EBF2: variants seen among roughly 807,000 people sequenced by gnomAD.
The protein encoded by EBF2 is EBF transcription factor 2, also known as transcription factor COE2.
Under a neutral mutation model 72.8 loss-of-function variants are expected in EBF2, and 21 were observed. That is an observed-to-expected ratio of 0.29 (90% CI 0.20 to 0.42). The LOEUF is 0.42. Ranked by LOEUF, EBF2 falls within the 10% of genes least tolerant of loss-of-function variation. The probability of loss-of-function intolerance (pLI) is 1.00; values close to 1 mark genes in which losing one functional copy is unlikely to be tolerated. For missense variants in EBF2, 637 were observed against 731.2 expected (o/e 0.87, Z 1.49); for synonymous variants, 299 against 274.2 (o/e 1.09, Z -0.89).
intron 7 of EBF2, among the ~76,000 whole-genome samples, chr8:25,901,701 A>G (rs1802956597): frequency 6.6e-6 from 1 of 152,196 alleles, no homozygotes. Context: ...AAAACTATTC[A>G]TAAGAGCATC....
intron 14 of EBF2, among the ~76,000 whole-genome samples, chr8:25,854,280 C>T (rs1802040649): frequency 6.6e-6 from 1 of 150,782 alleles, no homozygotes; most frequent in Non-Finnish European, 1.5e-5. Context: ...TCCTCACATT[C>T]CTGGGAAACA....
intron 6 of EBF2, among the ~76,000 whole-genome samples, chr8:25,931,619 C>T (rs946866735): frequency 2.0e-5 from 3 of 152,166 alleles, no homozygotes; most frequent in Non-Finnish European, 1.5e-5. Context: ...AATTTAAAAA[C>T]AGTTCAATAT....
At chr8:25,855,915 G>A (rs537045591) in intron 14 of EBF2, among the ~76,000 whole-genome samples, 3 of 152,166 alleles carry the variant, frequency 2.0e-5, no homozygotes, top group Non-Finnish European at 4.4e-5. Context: ...TCTCCCAGTT[G>A]GGCAGGTTGC....
At chr8:25,924,572 T>C (rs1281325078) in intron 6 of EBF2, among the ~76,000 whole-genome samples, 1 of 152,214 alleles carries the variant, frequency 6.6e-6, no homozygotes, top group African/African-American at 2.4e-5. Context: ...AGCTGTAAAA[T>C]AAACTGGGAG....
At position 25,962,497 on chromosome 8, in the gene EBF2, C is replaced by T. The variant is rs565275413; in HGVS notation, c.552-53942G>A. Among the ~76,000 whole-genome samples the T allele has an allele frequency of 2.2e-3, 332 of 151,514 alleles. 1 individual carries two copies. The highest frequency in any genetic ancestry group is 7.3e-3 in the African/African-American group (299 of 41,216). ...TGAACCTAAAGCCATCCCCCTATTA[C>T]GGGTAACACCACACACTTTCTTGGA... On this transcript the variant is annotated intron_variant, in intron 6 of 15. Coordinates refer to ENST00000520164, the MANE Select transcript of EBF2 (RefSeq NM_022659.4).
chr8:26,012,405 G>A (rs981493265), intron 6 of EBF2, among the ~76,000 whole-genome samples: 4 of 152,168 alleles, frequency 2.6e-5, no homozygotes, highest in Non-Finnish European at 5.9e-5. Flanking sequence ...ACTTGAAATA[G>A]CTGGAGAAAT....
chr8:25,990,618 C>A (rs1804527816), intron 6 of EBF2, among the ~76,000 whole-genome samples: 1 of 152,150 alleles, frequency 6.6e-6, no homozygotes. Context: ...CACAATGGAC[C>A]AGCCTGGAAA....
intron 14 of EBF2, 133 bp downstream of exon 14, chr8:25,858,186 G>A (rs1316001552): frequency 1.8e-6 from 2 of 1,121,110 alleles, no homozygotes; most frequent in African/African-American, 3.1e-5. Context: ...CAGGAAGGAT[G>A]CTTAATCAGG....
intron 6 of EBF2, among the ~76,000 whole-genome samples, chr8:25,937,574 A>T (rs1378765239): frequency 6.6e-6 from 1 of 152,062 alleles, no homozygotes; most frequent in African/African-American, 2.4e-5. Context: ...GGCGGGGGAG[A>T]GGGTACTGTA....
At chr8:25,912,876 T>C (rs1307693490) in intron 6 of EBF2, among the ~76,000 whole-genome samples, 3 of 152,158 alleles carry the variant, frequency 2.0e-5, no homozygotes, top group African/African-American at 7.2e-5. Context: ...AGTAAAAGTG[T>C]GTAGGTGGCT....
At chr8:25,933,415 C>T (rs867806317) in intron 6 of EBF2, among the ~76,000 whole-genome samples, 1 of 152,132 alleles carries the variant, frequency 6.6e-6, no homozygotes, top group African/African-American at 2.4e-5. Flanking sequence ...AGACTTCCAC[C>T]TTATGGGGAC....
chr8:25,896,379 C>T (rs149003672), intron 7 of EBF2, among the ~76,000 whole-genome samples: 47 of 152,228 alleles, frequency 3.1e-4, no homozygotes, highest in African/African-American at 1.1e-3. Context: ...TATAACACAT[C>T]GCATTTATAG....
chr8:25,926,310 T>C (rs746659759), intron 6 of EBF2, among the ~76,000 whole-genome samples: 22 of 152,216 alleles, frequency 1.4e-4, no homozygotes, highest in Admixed American at 3.9e-4. Flanking sequence ...ACTGGTGCCA[T>C]TGGGAAAAGA....
intron 6 of EBF2, among the ~76,000 whole-genome samples, chr8:25,972,401 A>C (rs894330925): frequency 4.0e-5 from 6 of 151,834 alleles, no homozygotes; most frequent in Admixed American, 1.3e-4. Context: ...GGGGTGGTAT[A>C]TTTTGGAGGG....
At chr8:25,925,265 T>C (rs542856488) in intron 6 of EBF2, among the ~76,000 whole-genome samples, 250 of 152,280 alleles carry the variant, frequency 1.6e-3, no homozygotes, top group African/African-American at 5.7e-3. Flanking sequence ...TGACATATTT[T>C]ATCCCTAAAT....
rs1032165417 is a variant in EBF2 at position 25,883,599 on chromosome 8, A to C, written c.1009+3156T>G. On this transcript the variant is annotated intron_variant, in intron 10 of 15. Coordinates refer to ENST00000520164, the MANE Select transcript of EBF2 (RefSeq NM_022659.4). ...GGTTTGACCTAGGCACTGATAATTT[A>C]AAGTGTGGCCAAGGGTGAGGACCTC... Among the ~76,000 whole-genome samples the C allele has an allele frequency of 7.9e-5, 12 of 152,162 alleles. 1 individual carries two copies. The highest frequency in any genetic ancestry group is 7.9e-4 in the Admixed American group (12 of 15,286).
intron 6 of EBF2, among the ~76,000 whole-genome samples, chr8:25,964,076 T>TA (rs1167726080): frequency 6.6e-6 from 1 of 152,092 alleles, no homozygotes; most frequent in Non-Finnish European, 1.5e-5. Flanking sequence ...TCCTAGCAAT[T>TA]AAAACTTAAA....
At chr8:25,903,959 C>T (rs1049328064) in intron 7 of EBF2, among the ~76,000 whole-genome samples, 1 of 152,124 alleles carries the variant, frequency 6.6e-6, no homozygotes, top group Non-Finnish European at 1.5e-5. Flanking sequence ...ATACAGAAAT[C>T]ATCCAGGAAC....
intron 6 of EBF2, among the ~76,000 whole-genome samples, chr8:25,917,370 T>C (rs1003024083): frequency 2.6e-5 from 4 of 152,170 alleles, no homozygotes; most frequent in African/African-American, 9.7e-5. Context: ...TTGAACTCTT[T>C]GGGCTTGAAT....
Sources: gnomAD v4.1 joint callset for allele counts (sites outside exome capture counted in the v4.1 genomes callset) on GRCh38, gnomAD v4.1.1 for gene constraint, MANE v1.5 for transcripts, NCBI Gene and HGNC (gene_info 2026-07-23, HGNC 2026-07-21) for gene names.